PATJ: variants seen among roughly 807,000 people sequenced by gnomAD.
The protein encoded by PATJ is inaD-like protein.
In PATJ, 190 loss-of-function variants were observed where a neutral mutation model predicts 224.9. The observed-to-expected ratio is 0.84, with a 90% CI of 0.75 to 0.95. The LOEUF is 0.95. Ranked by LOEUF, PATJ falls within the 40% of genes least tolerant of loss-of-function variation. The probability of loss-of-function intolerance (pLI) is 0.00; values close to 1 mark genes in which losing one functional copy is unlikely to be tolerated. For missense variants in PATJ, 2,121 were observed against 2,270.3 expected (o/e 0.93, Z 1.34); for synonymous variants, 769 against 820.3 (o/e 0.94, Z 1.07).
intron 26 of PATJ, among the ~76,000 whole-genome samples, chr1:61,925,564 C>CA (rs1185629950): frequency 1.3e-5 from 2 of 151,892 alleles, no homozygotes; most frequent in African/African-American, 2.4e-5. Flanking sequence ...CTGTGGGTGC[C>CA]AAAAAATCAT....
At chr1:61,919,128 T>G (rs1339617286) in intron 26 of PATJ, among the ~76,000 whole-genome samples, 1 of 152,144 alleles carries the variant, frequency 6.6e-6, no homozygotes, top group East Asian at 1.9e-4. Flanking sequence ...TGTGTTCGTC[T>G]TATCTGTTAT....
At chr1:61,923,489 GT>G (rs1215301365) in intron 26 of PATJ, among the ~76,000 whole-genome samples, 1 of 151,968 alleles carries the variant, frequency 6.6e-6, no homozygotes, top group South Asian at 2.1e-4. Context: ...ACTAGAAGAA[GT>G]TTTTTTTGTT....
intron 27 of PATJ, among the ~76,000 whole-genome samples, chr1:61,955,033 G>A (rs1041992186): frequency 2.0e-5 from 3 of 152,130 alleles, no homozygotes; most frequent in Non-Finnish European, 2.9e-5. Context: ...GATTACAGGC[G>A]TGAGCCACTG....
intron 27 of PATJ, among the ~76,000 whole-genome samples, chr1:61,985,443 T>A (rs1644700182): frequency 6.6e-6 from 1 of 152,146 alleles, no homozygotes; most frequent in South Asian, 2.1e-4. Flanking sequence ...TTTTAAATTG[T>A]GGTAAAATAT....
chr1:61,791,552 T>C, intron 9 of PATJ, 105 bp downstream of exon 9: 1 of 663,074 alleles, frequency 1.5e-6, no homozygotes. Flanking sequence ...TCTTGAACAA[T>C]AAAACCATGA....
chr1:61,873,019 AC>A (rs1392783939), intron 20 of PATJ, among the ~76,000 whole-genome samples: 1 of 152,160 alleles, frequency 6.6e-6, no homozygotes, highest in African/African-American at 2.4e-5. Context: ...GAAAAAGTAG[AC>A]CATTTTCAAA....
chr1:61,807,002 A>C (rs562105854), intron 13 of PATJ, among the ~76,000 whole-genome samples: 1 of 151,894 alleles, frequency 6.6e-6, no homozygotes, highest in African/African-American at 2.4e-5. Context: ...AAATACAGAA[A>C]TTAGCTGGGT....
chr1:62,117,413 C>T, intron 37 of PATJ, 195 bp downstream of exon 37: 3 of 1,406,984 alleles, frequency 2.1e-6, no homozygotes, highest in Non-Finnish European at 2.8e-6. Context: ...AGATTTTTCT[C>T]TCCTTTATTG....
At chr1:61,797,635 G>A (rs4915777) in intron 11 of PATJ, among the ~76,000 whole-genome samples, 56,999 of 152,054 alleles carry the variant, frequency 0.37, 12,360 homozygotes, top group South Asian at 0.56. Flanking sequence ...ATGTGCACCC[G>A]ACATGCACTA....
intron 41 of PATJ, among the ~76,000 whole-genome samples, chr1:62,137,447 A>G (rs1428791162): frequency 6.6e-5 from 2 of 30,154 alleles, no homozygotes; most frequent in African/African-American, 1.6e-4. Flanking sequence ...TGGAGGGGGG[A>G]ACACAGAGTG....
intron 7 of PATJ, among the ~76,000 whole-genome samples, chr1:61,775,842 T>C (rs1000137470): frequency 6.6e-6 from 1 of 152,226 alleles, no homozygotes; most frequent in Non-Finnish European, 1.5e-5. Context: ...CTGTTTCTGC[T>C]TAATTTTATA....
chr1:62,054,312 G>T, intron 31 of PATJ: 1 of 428,980 alleles, frequency 2.3e-6, no homozygotes, highest in Non-Finnish European at 4.7e-6. Context: ...GCAGTAAGCT[G>T]TGATTGTGCC....
intron 43 of PATJ, among the ~76,000 whole-genome samples, chr1:62,159,555 CT>C (rs56862738): frequency 0.045 from 6,102 of 134,628 alleles, 131 homozygotes; most frequent in African/African-American, 0.054. Flanking sequence ...ATTTCGAATA[CT>C]TTTTTTTTTT....
At chr1:61,826,652 T>C (rs562066711) in intron 15 of PATJ, among the ~76,000 whole-genome samples, 129 of 152,314 alleles carry the variant, frequency 8.5e-4, no homozygotes, top group African/African-American at 3.0e-3. Context: ...AAAAGTAATA[T>C]GAAATTTAGA....
intron 34 of PATJ, among the ~76,000 whole-genome samples, chr1:62,112,956 C>A (rs1664029005): frequency 6.6e-6 from 1 of 152,178 alleles, no homozygotes; most frequent in African/African-American, 2.4e-5. Flanking sequence ...GGTCAAGTCC[C>A]TAAACCTCTG....
intron 30 of PATJ, chr1:62,038,771 GT>G: frequency 2.1e-6 from 1 of 487,564 alleles, no homozygotes; most frequent in Non-Finnish European, 3.8e-6. Flanking sequence ...AAATGTGATT[GT>G]GCAATACACA....
At chr1:62,014,408 A>G (rs893435038) in intron 28 of PATJ, among the ~76,000 whole-genome samples, 1 of 152,106 alleles carries the variant, frequency 6.6e-6, no homozygotes, top group Middle Eastern at 3.2e-3. Context: ...TTAATTATAA[A>G]TTAACGAGAT....
At position 62,040,632 on chromosome 1, in the gene PATJ, G is replaced by A. The variant is rs138196702; in HGVS notation, c.4032+2583G>A. On this transcript the variant is annotated intron_variant, in intron 30 of 43. Coordinates refer to ENST00000642238, the MANE Select transcript of PATJ (RefSeq NM_001350145.3). ...CTCTCAGGTGAGAATGAGCTGGGGC[G>A]TGTTTGAGGAATATGGCTGGAAGCG... is the stretch of plus-strand genomic sequence containing the variant. 1.6e-4 allele frequency among the ~76,000 whole-genome samples: 25 copies of A among 152,212 alleles called. 1 individual carries two copies. The East Asian group carries it at 2.9e-3, about 18-fold the overall frequency.
chr1:61,821,584 G>A (rs946821319), intron 14 of PATJ, among the ~76,000 whole-genome samples: 3 of 152,196 alleles, frequency 2.0e-5, no homozygotes, highest in Non-Finnish European at 2.9e-5. Context: ...AGGAAGGCCT[G>A]TGGCACTCTG....
Sources: gnomAD v4.1 joint callset for allele counts (sites outside exome capture counted in the v4.1 genomes callset) on GRCh38, gnomAD v4.1.1 for gene constraint, MANE v1.5 for transcripts, NCBI Gene and HGNC (gene_info 2026-07-23, HGNC 2026-07-21) for gene names.